ELMO1: variants seen among roughly 807,000 people sequenced by gnomAD.
ELMO1 encodes the protein engulfment and cell motility protein 1.
A neutral mutation model predicts 98.9 loss-of-function variants in ELMO1; 26 were observed. That is an observed-to-expected ratio of 0.26 (90% CI 0.19 to 0.36). ELMO1 has a LOEUF of 0.36. Ranked by LOEUF, ELMO1 falls within the 10% of genes least tolerant of loss-of-function variation. The pLI, the probability that ELMO1 is intolerant of heterozygous loss-of-function variation, is 1.00. For synonymous variants in ELMO1, 346 were observed against 346.0 expected (o/e 1.00, Z 0.00); for missense variants, 627 against 935.2 (o/e 0.67, Z 4.30).
chr7:37,192,461 C>G (rs1411131391), intron 13 of ELMO1, among the ~76,000 whole-genome samples: 1 of 148,026 alleles, frequency 6.8e-6, no homozygotes, highest in East Asian at 2.0e-4. Context: ...TGCCACTGAA[C>G]TCCATCCAGC....
chr7:37,163,318 TA>T (rs1400827835), intron 13 of ELMO1, among the ~76,000 whole-genome samples: 4 of 145,156 alleles, frequency 2.8e-5, no homozygotes, highest in Non-Finnish European at 6.0e-5. Context: ...TCAGGTATTA[TA>T]GGGTATAAGC....
chr7:37,271,994 T>G, intron 4 of ELMO1, 112 bp from the exon 5 acceptor site: 3 of 860,100 alleles, frequency 3.5e-6, no homozygotes, highest in Non-Finnish European at 5.5e-6. Context: ...TATTCTCACT[T>G]GAATAATTTT....
chr7:37,028,584 T>G (rs1163537737), intron 15 of ELMO1, among the ~76,000 whole-genome samples: 1 of 152,122 alleles, frequency 6.6e-6, no homozygotes, highest in Non-Finnish European at 1.5e-5. Flanking sequence ...AATCCTGCTC[T>G]TTAAAAAAAA....
chr7:37,253,629 T>C (rs1795475374), intron 6 of ELMO1, among the ~76,000 whole-genome samples: 2 of 151,310 alleles, frequency 1.3e-5, no homozygotes, highest in Admixed American at 6.6e-5. Flanking sequence ...CTAATGCAGA[T>C]GACGGGTTTT....
Position 37,383,596 on chromosome 7 carries a change from C to T in ELMO1, c.-73-40833G>A, listed in dbSNP as rs73348031. On this transcript the variant is annotated intron_variant, in intron 1 of 21. Transcript: ENST00000310758. ...CACTTATATAAGTGTCTACTGCTTA[C>T]ATATTTTGTTACATTTTTGGAAATT... Among the ~76,000 whole-genome samples the T allele has an allele frequency of 2.6e-3, 402 of 152,320 alleles. 5 individuals carry two copies. The highest frequency in any genetic ancestry group is 9.0e-3 in the African/African-American group (374 of 41,582).
chr7:37,143,711 A>AGTTTTTT (rs1787793502), intron 13 of ELMO1, among the ~76,000 whole-genome samples: 3 of 115,786 alleles, frequency 2.6e-5, no homozygotes, highest in South Asian at 6.4e-4. Flanking sequence ...CAGCCGGTCG[A>AGTTTTTT]TTTTTTTTTT....
At chr7:37,391,076 C>G (rs1375355172) in intron 1 of ELMO1, among the ~76,000 whole-genome samples, 1 of 149,008 alleles carries the variant, frequency 6.7e-6, no homozygotes, top group Non-Finnish European at 1.5e-5. Context: ...CCCTCCCTCT[C>G]TCCCTCCCTC....
chr7:36,883,229 C>T (rs1193876766), intron 18 of ELMO1, among the ~76,000 whole-genome samples: 2 of 152,224 alleles, frequency 1.3e-5, no homozygotes, highest in Non-Finnish European at 2.9e-5. Flanking sequence ...AGACACTGTC[C>T]TCTGCAGGAG....
chr7:36,887,434 G>A lies in ELMO1; in HGVS notation c.1714+126C>T, dbSNP rs545452809. On this transcript the variant is annotated intron_variant, in intron 18 of 21. Coordinates refer to ENST00000310758, the MANE Select transcript of ELMO1 (RefSeq NM_014800.11). ...ATGGGAACCAGAAACGACCTGGACT[G>A]CTATTCCTGTCCTGAGTACAATGCT... 2.0e-4 allele frequency: 145 copies of A among 742,744 alleles called. No individual in the cohort carries two copies. In the African/African-American group the frequency reaches 2.5e-3, roughly 13 times the overall value. 46.0% of individuals were successfully genotyped at this position (742,744 alleles called of 1,614,324 possible). A position where few individuals can be genotyped will look rare whatever the true frequency, so the allele number is the denominator to read the frequency against.
intron 1 of ELMO1, among the ~76,000 whole-genome samples, chr7:37,378,585 T>C (rs1269904683): frequency 6.6e-6 from 1 of 151,206 alleles, no homozygotes; most frequent in Non-Finnish European, 1.5e-5. Context: ...CCTACTGCCG[T>C]GGTATAAACG....
At chr7:37,309,701 A>ATAT (rs944762301) in intron 4 of ELMO1, among the ~76,000 whole-genome samples, 1 of 152,210 alleles carries the variant, frequency 6.6e-6, no homozygotes. Context: ...GACAAGCATA[A>ATAT]AGTGATTTAA....
chr7:36,891,815 C>T (rs1303976773), intron 17 of ELMO1, among the ~76,000 whole-genome samples: 1 of 152,186 alleles, frequency 6.6e-6, no homozygotes, highest in East Asian at 1.9e-4. Context: ...AGTCTGATAG[C>T]AAATTGGGTC....
At chr7:37,051,809 A>C (rs1229492145) in intron 15 of ELMO1, among the ~76,000 whole-genome samples, 1 of 152,192 alleles carries the variant, frequency 6.6e-6, no homozygotes, top group African/African-American at 2.4e-5. Flanking sequence ...CAAATATGTG[A>C]AAGGTGCAGA....
intron 16 of ELMO1, among the ~76,000 whole-genome samples, chr7:36,991,847 A>G (rs1214961495): frequency 6.6e-6 from 1 of 152,132 alleles, no homozygotes; most frequent in African/African-American, 2.4e-5. Flanking sequence ...CCCATTTCCA[A>G]ATGGAGAAAC....
intron 16 of ELMO1, among the ~76,000 whole-genome samples, chr7:36,998,435 C>T (rs774862655): frequency 2.0e-5 from 3 of 151,852 alleles, no homozygotes; most frequent in Non-Finnish European, 4.4e-5. Flanking sequence ...AAAAATGTTG[C>T]TAGTAACTGG....
intron 3 of ELMO1, 26 bp from the exon 4 acceptor site, chr7:37,314,948 T>C (rs1281328429): frequency 1.9e-6 from 3 of 1,594,500 alleles, no homozygotes; most frequent in Admixed American, 3.6e-5. Context: ...GTATACTGAT[T>C]AGAAAAATGA....
intron 16 of ELMO1, among the ~76,000 whole-genome samples, chr7:36,932,754 G>A (rs889160377): frequency 4.6e-5 from 7 of 152,070 alleles, no homozygotes; most frequent in Non-Finnish European, 8.8e-5. Flanking sequence ...TCCAAGATGC[G>A]GGCTCCTTGT....
intron 13 of ELMO1, among the ~76,000 whole-genome samples, chr7:37,163,763 G>C (rs1461585298): frequency 6.6e-6 from 1 of 152,140 alleles, no homozygotes; most frequent in Non-Finnish European, 1.5e-5. Flanking sequence ...TTGGTTCCAA[G>C]TCTTTGCTAT....
At chr7:37,372,612 T>G (rs1446594121) in intron 1 of ELMO1, among the ~76,000 whole-genome samples, 4 of 152,242 alleles carry the variant, frequency 2.6e-5, no homozygotes, top group Non-Finnish European at 4.4e-5. Flanking sequence ...TTTTTATAAC[T>G]TTGAATTACA....
Sources: gnomAD v4.1 joint callset for allele counts (sites outside exome capture counted in the v4.1 genomes callset) on GRCh38, gnomAD v4.1.1 for gene constraint, MANE v1.5 for transcripts, NCBI Gene and HGNC (gene_info 2026-07-23, HGNC 2026-07-21) for gene names.